ATP13A3: variants seen among roughly 807,000 people sequenced by gnomAD.
The protein encoded by ATP13A3 is polyamine-transporting ATPase 13A3.
In ATP13A3, 59 loss-of-function variants were observed where a neutral mutation model predicts 158.1. The observed-to-expected ratio is 0.37, with a 90% CI of 0.30 to 0.46. The LOEUF (loss-of-function observed/expected upper bound fraction) is 0.46, where lower values mean the gene tolerates loss of function less well. Among genes scored for constraint, ATP13A3 ranks in the 20% least tolerant of loss-of-function variants. The probability of loss-of-function intolerance (pLI) is 1.00; values close to 1 mark genes in which losing one functional copy is unlikely to be tolerated. For missense variants in ATP13A3, 1,166 were observed against 1,525.2 expected, an observed-to-expected ratio of 0.76 and a Z score of 3.92; for synonymous variants, 491 against 504.3, an observed-to-expected ratio of 0.97 and a Z score of 0.35.
In ATP13A3 at chr3:194,455,875, T is replaced by C; in HGVS notation, c.630+18A>G. On this transcript the variant is annotated intron_variant, in intron 8 of 33. Transcript: ENST00000645319. ...CATTGATCATGACTGTTAAGTTATA[T>C]ACAATCAATAGTCTTACCTCTTTAA... 3 of 1,414,520 alleles carry C rather than the reference T, an allele frequency of 2.1e-6. No homozygotes were observed. The highest frequency in any genetic ancestry group is 2.9e-6 in the Non-Finnish European group (3 of 1,023,550). The allele number at this position is 1,414,520 out of a possible 1,614,324, so 87.6% of individuals were successfully genotyped here.
At chr3:194,467,682 G>A (rs1212360224) in intron 2 of ATP13A3, among the ~76,000 whole-genome samples, 2 of 151,992 alleles carry the variant, frequency 1.3e-5, no homozygotes, top group African/African-American at 4.8e-5. Context: ...TAGAACATAT[G>A]TATGTTAAAA....
chr3:194,455,467 T>C (rs895528870), intron 8 of ATP13A3, among the ~76,000 whole-genome samples: 1 of 152,210 alleles, frequency 6.6e-6, no homozygotes, highest in East Asian at 1.9e-4. Context: ...CAGAGCTAGT[T>C]ACTGATGGAA....
intron 2 of ATP13A3, among the ~76,000 whole-genome samples, chr3:194,468,985 T>C (rs1720165249): frequency 6.6e-6 from 1 of 151,660 alleles, no homozygotes; most frequent in South Asian, 2.1e-4. Flanking sequence ...AATACAAAAA[T>C]GAGCCAGGCA....
intron 11 of ATP13A3, 125 bp downstream of exon 11, chr3:194,450,004 TCAGAATTTTAAATCTC>T: frequency 1.1e-6 from 1 of 886,158 alleles, no homozygotes; most frequent in Non-Finnish European, 1.7e-6. Context: ...TTCGGTCTAC[TCAGAATTTTAAATCTC>T]CAATATCCAA....
At chr3:194,454,044 G>C (rs1282067202) in intron 9 of ATP13A3, among the ~76,000 whole-genome samples, 1 of 152,140 alleles carries the variant, frequency 6.6e-6, no homozygotes, top group Non-Finnish European at 1.5e-5. Context: ...AGACAGTCAA[G>C]TGGTAGAGTC....
chr3:194,493,890 T>G (rs1269639018), intron 2 of ATP13A3, among the ~76,000 whole-genome samples: 6 of 152,166 alleles, frequency 3.9e-5, no homozygotes, highest in African/African-American at 1.4e-4. Flanking sequence ...TCATTAACCT[T>G]TATAACAATT....
chr3:194,476,561 T>G (rs530481168), intron 2 of ATP13A3, among the ~76,000 whole-genome samples: 7 of 152,148 alleles, frequency 4.6e-5, no homozygotes, highest in Non-Finnish European at 1.0e-4. Flanking sequence ...ACTCATCTTT[T>G]GACTACCCTT....
chr3:194,453,581 A>G, intron 10 of ATP13A3, 125 bp downstream of exon 10: 1 of 751,844 alleles, frequency 1.3e-6, no homozygotes, highest in Non-Finnish European at 2.2e-6. Flanking sequence ...CCTAAGTGAC[A>G]GAGACACTGA....
chr3:194,493,232 A>G (rs1278197451), intron 2 of ATP13A3, among the ~76,000 whole-genome samples: 2 of 152,146 alleles, frequency 1.3e-5, no homozygotes, highest in Non-Finnish European at 1.5e-5. Context: ...CTGTAGACCC[A>G]GCACTAGATG....
intron 15 of ATP13A3, among the ~76,000 whole-genome samples, chr3:194,444,344 A>C (rs1212985659): frequency 6.6e-6 from 1 of 152,248 alleles, no homozygotes; most frequent in Non-Finnish European, 1.5e-5. Context: ...AGTTAAAATT[A>C]ATAAACTAGA....
Position 194,428,934 on chromosome 3 carries a change from A to G in ATP13A3, c.2875-17T>C. 6.7e-7 allele frequency: 1 copy of G among 1,501,942 alleles called. No homozygotes were observed. The highest frequency in any genetic ancestry group is 9.1e-7 in the Non-Finnish European group (1 of 1,097,066). 93.0% of individuals were successfully genotyped at this position (1,501,942 alleles called of 1,614,324 possible). A position where few individuals can be genotyped will look rare whatever the true frequency, so the allele number is the denominator to read the frequency against. Reference sequence around the variant, plus strand: ...ACTTAAGATCTACAGAAGTAATTTTAAAAACATTATTAGTTTTTGGGAATT... The same window carrying G: ...ACTTAAGATCTACAGAAGTAATTTTGAAAACATTATTAGTTTTTGGGAATT... On this transcript the variant is annotated splice_polypyrimidine_tract_variant and intron_variant, in intron 27 of 33. Transcript: ENST00000645319.
intron 31 of ATP13A3, among the ~76,000 whole-genome samples, chr3:194,414,324 G>A (rs182600030): frequency 1.6e-3 from 245 of 152,026 alleles, no homozygotes; most frequent in African/African-American, 5.7e-3. Flanking sequence ...TTAGCCAGGC[G>A]AGGTGGTGCA....
intron 10 of ATP13A3, among the ~76,000 whole-genome samples, chr3:194,453,274 C>A (rs909296671): frequency 7.9e-6 from 1 of 126,112 alleles, no homozygotes; most frequent in Non-Finnish European, 1.6e-5. Context: ...GAGACCACAT[C>A]GACTTTAAAA....
intron 30 of ATP13A3, among the ~76,000 whole-genome samples, chr3:194,422,223 G>A (rs1477348491): frequency 6.6e-6 from 1 of 152,144 alleles, no homozygotes; most frequent in Non-Finnish European, 1.5e-5. Context: ...TTTAAAATCA[G>A]TAAGGATTTC....
intron 21 of ATP13A3, among the ~76,000 whole-genome samples, chr3:194,433,030 T>G (rs567947877): frequency 1.5e-4 from 23 of 152,252 alleles, no homozygotes; most frequent in African/African-American, 5.5e-4. Flanking sequence ...AATCATTTTC[T>G]ATGTAGCTGA....
chr3:194,427,472 T>C (rs1429402162), intron 28 of ATP13A3, among the ~76,000 whole-genome samples: 1 of 151,964 alleles, frequency 6.6e-6, no homozygotes, highest in Non-Finnish European at 1.5e-5. Flanking sequence ...GAATAATTTT[T>C]ACATTTCTAT....
intron 30 of ATP13A3, among the ~76,000 whole-genome samples, chr3:194,421,552 C>CAAAAAAAA (rs34760027): frequency 1.4e-5 from 1 of 71,882 alleles, no homozygotes; most frequent in African/African-American, 4.6e-5. Flanking sequence ...GACTCCATCT[C>CAAAAAAAA]AAAAAAAAAA....
At chr3:194,467,359 T>C (rs895349931) in intron 2 of ATP13A3, among the ~76,000 whole-genome samples, 4 of 152,238 alleles carry the variant, frequency 2.6e-5, no homozygotes, top group South Asian at 2.1e-4. Context: ...GAGCTTATTA[T>C]AGGCAGTTCA....
At chr3:194,461,245 T>C (rs753583426) in intron 3 of ATP13A3, among the ~76,000 whole-genome samples, 48 of 152,306 alleles carry the variant, frequency 3.2e-4, no homozygotes, top group Admixed American at 8.5e-4. Context: ...TATAGAAAAG[T>C]TGCAAAAATA....
Sources: gnomAD v4.1 joint callset for allele counts (sites outside exome capture counted in the v4.1 genomes callset) on GRCh38, gnomAD v4.1.1 for gene constraint, MANE v1.5 for transcripts, NCBI Gene and HGNC (gene_info 2026-07-23, HGNC 2026-07-21) for gene names.